MARK4: variants seen among roughly 807,000 people sequenced by gnomAD.
MARK4 encodes MAP/microtubule affinity-regulating kinase 4.
A neutral mutation model predicts 81.5 loss-of-function variants in MARK4; 19 were observed. That is an observed-to-expected ratio of 0.23 (90% CI 0.16 to 0.34). MARK4 has a LOEUF of 0.34. MARK4 is among the 10% of genes least tolerant of loss of function. MARK4 has a pLI of 1.00. For synonymous variants in MARK4, 436 were observed against 439.0 expected (o/e 0.99, Z 0.08); for missense variants, 772 against 1,058.8 (o/e 0.73, Z 3.76).
Position 45,251,571 on chromosome 19 carries a change from C to A in MARK4, c.-18C>A, listed in dbSNP as rs1970241798. ...CCCCCCCCACCCGGCCGCCCCTGCC[C>A]CCCGGGACCCGGAGAAGATGTCTTC... is the stretch of plus-strand genomic sequence containing the variant. On this transcript the variant is annotated 5_prime_UTR_variant, in exon 1 of 17. Coordinates refer to ENST00000262891, the MANE Select transcript of MARK4 (RefSeq NM_001199867.2). The A allele has an allele frequency of 5.8e-6, 8 of 1,378,866 alleles. No homozygotes were observed. Among genetic ancestry groups the A allele is most frequent in the Non-Finnish European group, 5.7e-6 (6 of 1,059,746 alleles). The allele number at this position is 1,378,866 out of a possible 1,614,324, so 85.4% of individuals were successfully genotyped here. A position where few individuals can be genotyped will look rare whatever the true frequency, so the allele number is the denominator to read the frequency against.
At position 45,271,131 on chromosome 19, in the gene MARK4, C is replaced by T. The variant is rs545439271; in HGVS notation, c.550-341C>T. Reference sequence around the variant, plus strand: ...ATGTTGGCCAGGCCGATCTTGAACTCCTGACCTCAGGTGATCCACCTGCCT... The same window carrying T: ...ATGTTGGCCAGGCCGATCTTGAACTTCTGACCTCAGGTGATCCACCTGCCT... On this transcript the variant is annotated intron_variant, in intron 7 of 16. Transcript: ENST00000262891. This position sits in a 1 kb window ranked among gnomAD's most constrained non-coding sequence, Gnocchi z 4.1. 5.9e-5 allele frequency among the ~76,000 whole-genome samples: 9 copies of T among 152,310 alleles called. No homozygotes were observed. The East Asian group carries it at 1.5e-3, about 26-fold the overall frequency.
rs1001222698 is a variant in MARK4 at position 45,297,962 on chromosome 19, C to T, written c.1877+8C>T. ...CTCCAAACTGACCCGAAGGTGAGCT[C>T]CGCGGGGATGGCAGGGGCAGGGCGG... On this transcript the variant is annotated splice_region_variant and intron_variant, in intron 15 of 16. Coordinates refer to ENST00000262891, the MANE Select transcript of MARK4 (RefSeq NM_001199867.2). 3 of 1,551,508 alleles carry T rather than the reference C, an allele frequency of 1.9e-6. No homozygotes were observed. Among genetic ancestry groups the T allele is most frequent in the East Asian group, 4.9e-5 (2 of 40,932 alleles).
chr19:45,277,350 T>A (rs982624274), intron 8 of MARK4, among the ~76,000 whole-genome samples: 1 of 152,144 alleles, frequency 6.6e-6, no homozygotes, highest in Non-Finnish European at 1.5e-5. Flanking sequence ...AGTGCTGGGA[T>A]TACAGGTGTG....
At chr19:45,290,987 A>G (rs935156917) in intron 13 of MARK4, among the ~76,000 whole-genome samples, 2 of 152,234 alleles carry the variant, frequency 1.3e-5, no homozygotes, top group African/African-American at 4.8e-5. Flanking sequence ...TGAAGGCATC[A>G]GCTCAACTTC....
At chr19:45,263,936 G>A (rs747671853) in intron 4 of MARK4, among the ~76,000 whole-genome samples, 11 of 151,912 alleles carry the variant, frequency 7.2e-5, no homozygotes, top group Non-Finnish European at 1.3e-4. Context: ...AGTTTGGGCT[G>A]AGCTATGGGA....
rs201314735 is a variant in MARK4, at chr19:45,283,451, C to T, written c.1276+2717C>T. 1.8e-4 allele frequency among the ~76,000 whole-genome samples: 27 copies of T among 151,690 alleles called. No individual in the cohort carries two copies. The East Asian group carries it at 4.6e-3, about 26-fold the overall frequency. ...AAAAAAAAAAATCAACTTCCAATCC[C>T]CCTTCCACCCTCAGCTACTAATCTA... On this transcript the variant is annotated intron_variant, in intron 12 of 16. Coordinates refer to ENST00000262891, the MANE Select transcript of MARK4 (RefSeq NM_001199867.2).
At chr19:45,253,190 CA>C (rs1407550965) in intron 1 of MARK4, among the ~76,000 whole-genome samples, 14 of 138,546 alleles carry the variant, frequency 1.0e-4, no homozygotes, top group African/African-American at 3.3e-4. Flanking sequence ...CAGACCCCCC[CA>C]CACACACACA....
intron 13 of MARK4, 143 bp from the exon 14 acceptor site, chr19:45,294,205 AC>A: frequency 1.4e-6 from 1 of 706,114 alleles, no homozygotes; most frequent in African/African-American, 1.8e-5. Context: ...CATCTTTGGG[AC>A]CTTTCACCAT....
chr19:45,252,993 C>T (rs1244031064), intron 1 of MARK4, among the ~76,000 whole-genome samples: 2 of 152,002 alleles, frequency 1.3e-5, no homozygotes, highest in Non-Finnish European at 2.9e-5. Context: ...TTCCCAGGCG[C>T]CCCCTGCCCC....
At chr19:45,286,079 C>T (rs1019836500) in intron 12 of MARK4, among the ~76,000 whole-genome samples, 4 of 152,082 alleles carry the variant, frequency 2.6e-5, no homozygotes, top group South Asian at 2.1e-4. Context: ...TGTTTTTTGA[C>T]GGAGTCTCGC....
chr19:45,298,905 A>G (rs1268354594), intron 15 of MARK4, among the ~76,000 whole-genome samples: 5 of 151,874 alleles, frequency 3.3e-5, no homozygotes, highest in South Asian at 2.1e-4. Context: ...GCAAGATCCT[A>G]TCTCTACAAA....
At chr19:45,258,762 G>C (rs902854435) in intron 1 of MARK4, 1 of 555,750 alleles carries the variant, frequency 1.8e-6, no homozygotes, top group African/African-American at 1.9e-5. Flanking sequence ...TTGAAGAAGG[G>C]GTGTGATGCC....
intron 13 of MARK4, 59 bp from the exon 14 acceptor site, chr19:45,294,290 G>A: frequency 6.6e-7 from 1 of 1,517,772 alleles, no homozygotes; most frequent in Admixed American, 1.7e-5. Flanking sequence ...AGGGAAGAGG[G>A]AGAAGCTCAG....
intron 6 of MARK4, 105 bp from the exon 7 acceptor site, chr19:45,266,120 G>A (rs1020289502): frequency 4.4e-6 from 5 of 1,136,552 alleles, no homozygotes; most frequent in African/African-American, 1.5e-5. Context: ...CTCAGGCTGT[G>A]CCTTGGGGAG....
intron 1 of MARK4, among the ~76,000 whole-genome samples, chr19:45,254,420 T>C (rs1340422362): frequency 1.3e-5 from 2 of 152,116 alleles, no homozygotes; most frequent in East Asian, 3.9e-4. Flanking sequence ...TTGGTGGGGA[T>C]CGGAGGCCTT....
chr19:45,266,091 A>G, intron 6 of MARK4, 134 bp from the exon 7 acceptor site: 4 of 853,744 alleles, frequency 4.7e-6, no homozygotes, highest in Non-Finnish European at 7.9e-6. Context: ...TGACTGAATC[A>G]GGGTGTGAGG....
chr19:45,258,663 G>A (rs371484190), intron 1 of MARK4, among the ~76,000 whole-genome samples: 14 of 151,790 alleles, frequency 9.2e-5, no homozygotes, highest in African/African-American at 3.1e-4. Flanking sequence ...TCGTGCCACT[G>A]CACTCCAGCC....
At position 45,271,622 on chromosome 19, in the gene MARK4, G is replaced by A. The variant is rs1447493288; in HGVS notation, c.700G>A (p.Gly234Arg). 2 of 1,614,184 alleles carry A rather than the reference G, an allele frequency of 1.2e-6. No homozygotes were observed. The highest frequency in any genetic ancestry group is 1.7e-6 in the Non-Finnish European group (2 of 1,180,028). The change falls in exon 8 of 17, where the codon GGG becomes AGG. Residue 234 changes from glycine (G) to arginine (R), a missense_variant. Physicochemically the swap from Gly to Arg is moderately radical, Grantham distance 125 (BLOSUM62 -2). Coordinates refer to ENST00000262891, the MANE Select transcript of MARK4 (RefSeq NM_001199867.2). The surrounding 1 kb of genome is among the most constrained non-coding windows in gnomAD (Gnocchi z 4.1). The stretch of plus-strand genomic sequence containing the variant: ...GCTGTTTCAGGGCAAGAAGTACGAC[G>A]GGCCGGAGGTGGACATCTGGAGCCT... The part of the protein sequence containing the change: ...PELFQGKKYD[G>R]PEVDIWSLGV...
Position 45,251,422 on chromosome 19 carries a change from CCCCTCCCCCG to C in MARK4, c.-162_-153del. 3.1e-6 allele frequency: 1 copy of C among 320,598 alleles called. No homozygotes were observed. Among genetic ancestry groups the C allele is most frequent in the Non-Finnish European group, 5.8e-6 (1 of 172,466 alleles). The allele number at this position is 320,598 out of a possible 1,614,324, so 19.9% of individuals were successfully genotyped here. ...GCCACTAGGACCCTCGGCGTCCCTT[CCCCTCCCCCG>C]CCCTGCCCCCTCTCCCGCCGCGCGG... On this transcript the variant is annotated 5_prime_UTR_variant, in exon 1 of 17. Transcript: ENST00000262891.
Sources: allele counts gnomAD v4.1 joint callset (sites outside exome capture counted in the v4.1 genomes callset), GRCh38; gene constraint gnomAD v4.1.1; non-coding constraint Gnocchi (gnomAD v3.1); transcripts MANE v1.5; gene names NCBI Gene and HGNC (gene_info 2026-07-23, HGNC 2026-07-21).